Variants in ZNF581 observed in about 807,000 individuals in gnomAD.
ZNF581 encodes zinc finger protein 581.
A neutral mutation model predicts 1.2 loss-of-function variants in ZNF581; 1 was observed. The ratio of observed to expected loss-of-function variants is 0.83; its 90% confidence interval spans 0.30 to 3.95. The LOEUF (loss-of-function observed/expected upper bound fraction) is 3.95. Ranked by LOEUF, ZNF581 falls within the 30% of genes most tolerant of loss-of-function variation. The pLI is 0.18. For missense variants in ZNF581, 273 were observed against 274.6 expected, an observed-to-expected ratio of 0.99 and a Z score of 0.04; for synonymous variants, 105 against 109.2, an observed-to-expected ratio of 0.96 and a Z score of 0.24.
rs1049337156 is a variant in ZNF581, at chr19:55,645,374, C to T, written c.*209C>T. On this transcript the variant is annotated 3_prime_UTR_variant, in exon 2 of 2. Coordinates refer to ENST00000270451, the MANE Select transcript of ZNF581 (RefSeq NM_016535.4). Reference sequence around the variant, plus strand: ...GTTCTGGAGCTGAGATGGGAATGAGCCCCTACACAGAATGGAGTCCTCTAG... The same window carrying T: ...GTTCTGGAGCTGAGATGGGAATGAGTCCCTACACAGAATGGAGTCCTCTAG... 2 of 484,698 alleles carry T rather than the reference C, an allele frequency of 4.1e-6. No homozygotes were observed. Among genetic ancestry groups the T allele is most frequent in the African/African-American group, 1.9e-5 (1 of 51,376 alleles). The allele number at this position is 484,698 out of a possible 1,614,324, so 30.0% of individuals were successfully genotyped here.
upstream of ZNF581, chr19:55,640,929 C>T: frequency 2.0e-6 from 2 of 985,348 alleles, no homozygotes; most frequent in Non-Finnish European, 2.4e-6. Context: ...GGGCGCTCCG[C>T]AGAGGCGAGG....
At position 55,644,676 on chromosome 19, in the gene ZNF581, T is replaced by G. The variant is rs1568538787; in HGVS notation, c.105T>G (p.Pro35=). Residue 35 remains proline (P), a synonymous_variant, in exon 2 of 2, where the codon CCT becomes CCG. Coordinates refer to ENST00000270451, the MANE Select transcript of ZNF581 (RefSeq NM_016535.4). This position sits in a 1 kb window ranked among gnomAD's most constrained non-coding sequence, Gnocchi z 4.3. ...RRTCRSPEPG[P]SSSIGSPQAS... is the part of the protein sequence containing the mutation. Reference sequence around the variant, plus strand: ...CTTGCCGCTCCCCAGAACCTGGACCTTCCTCCTCCATCGGATCTCCCCAGG... The same window carrying G: ...CTTGCCGCTCCCCAGAACCTGGACCGTCCTCCTCCATCGGATCTCCCCAGG... 6.2e-7 allele frequency: 1 copy of G among 1,613,144 alleles called. No individual in the cohort carries two copies. The highest frequency in any genetic ancestry group is 8.5e-7 in the Non-Finnish European group (1 of 1,179,564).
At chr19:55,641,230 C>T (rs1600043652), upstream of ZNF581, 3 of 975,156 alleles carry the variant, frequency 3.1e-6, no homozygotes, top group East Asian at 1.2e-4. Context: ...GGGACGACGC[C>T]GGGGCCAGGC....
upstream of ZNF581, chr19:55,642,269 T>C: frequency 8.1e-7 from 1 of 1,234,946 alleles, no homozygotes. Context: ...CCAGGAGGAG[T>C]GGCAGGTGGT....
Position 55,645,054 on chromosome 19 carries a change from C to G in ZNF581, c.483C>G (p.Ala161=), listed in dbSNP as rs145812033. The change falls in exon 2 of 2, where the codon GCC becomes GCG. Residue 161 remains alanine (A), a synonymous_variant. Transcript: ENST00000270451. ...GCTTCCGGGATGCGGGTGAGCTGGC[C>G]CAGCACAGCCGGGTGCACTCTGGGG... The part of the protein sequence containing the change: ...PRRFRDAGEL[A]QHSRVHSGER... 6.6e-4 allele frequency: 1,041 copies of G among 1,577,332 alleles called. 3 individuals carry two copies. Among genetic ancestry groups the G allele is most frequent in the Non-Finnish European group, 8.6e-4 (993 of 1,155,724 alleles).
upstream of ZNF581, among the ~76,000 whole-genome samples, chr19:55,638,114 GT>G (rs1982203371): frequency 6.6e-6 from 1 of 152,186 alleles, no homozygotes; most frequent in South Asian, 2.1e-4. Context: ...AGGACGTGTG[GT>G]CCTGGCAGCT....
At position 55,644,445 on chromosome 19, in the gene ZNF581, C is replaced by T. The variant is rs1236419234; in HGVS notation, c.-19-108C>T. The T allele has an allele frequency of 4.4e-6, 3 of 684,670 alleles. No individual in the cohort carries two copies. Among genetic ancestry groups the T allele is most frequent in the Middle Eastern group, 2.9e-4 (1 of 3,504 alleles). 42.4% of individuals were successfully genotyped at this position (684,670 alleles called of 1,614,324 possible). On this transcript the variant is annotated intron_variant, in intron 1 of 1. Coordinates refer to ENST00000270451, the MANE Select transcript of ZNF581 (RefSeq NM_016535.4). The surrounding 1 kb of genome is among the most constrained non-coding windows in gnomAD (Gnocchi z 4.3). ...CTGGAAAAGAGGGACTGAGGGGCAG[C>T]AGGATGCAGAGGTCCTGGGCCGGGT...
upstream of ZNF581, among the ~76,000 whole-genome samples, chr19:55,636,402 T>C (rs771086731): frequency 2.6e-5 from 4 of 151,972 alleles, no homozygotes; most frequent in Non-Finnish European, 5.9e-5. Flanking sequence ...GTGGCAAGAA[T>C]TTTGTCTAGA....
chr19:55,644,004 G>A lies in ZNF581; in HGVS notation c.-20+230G>A, dbSNP rs971141575. On this transcript the variant is annotated intron_variant, in intron 1 of 1. Coordinates refer to ENST00000270451, the MANE Select transcript of ZNF581 (RefSeq NM_016535.4). The surrounding 1 kb of genome is among the most constrained non-coding windows in gnomAD (Gnocchi z 4.3). ...CTAGAACGAGCCTGGTGGAGGCCGG[G>A]CGAGGACTAGAGAGAACCTGAGGTG... Among the ~76,000 whole-genome samples the A allele has an allele frequency of 2.0e-4, 30 of 152,236 alleles. No individual in the cohort carries two copies. The highest frequency in any genetic ancestry group is 7.0e-4 in the African/African-American group (29 of 41,470).
At chr19:55,640,947 G>A (rs118118711), upstream of ZNF581, 95,638 of 985,336 alleles carry the variant, frequency 0.097, 5,070 homozygotes, top group Middle Eastern at 0.12. Flanking sequence ...AGGGGTGGGA[G>A]CGCCGGCTCC....
chr19:55,644,358 T>C lies in ZNF581; in HGVS notation c.-19-195T>C, dbSNP rs1982723502. Among the ~76,000 whole-genome samples, 1 of 151,706 alleles carries C rather than the reference T, an allele frequency of 6.6e-6. No individual in the cohort carries two copies. The highest frequency in any genetic ancestry group is 2.4e-5 in the African/African-American group (1 of 41,260). The stretch of plus-strand genomic sequence containing the variant: ...GTGGAGCACCGAGGCTAGGAGAGGT[T>C]TTCCAAGGAGGAAGACCCTGGGGAC... On this transcript the variant is annotated intron_variant, in intron 1 of 1. Coordinates refer to ENST00000270451, the MANE Select transcript of ZNF581 (RefSeq NM_016535.4). The surrounding 1 kb of genome is among the most constrained non-coding windows in gnomAD (Gnocchi z 4.3).
upstream of ZNF581, among the ~76,000 whole-genome samples, chr19:55,637,141 G>C (rs1982140938): frequency 6.6e-6 from 1 of 151,986 alleles, no homozygotes; most frequent in Admixed American, 6.6e-5. Flanking sequence ...TTTTTTTGGA[G>C]AGACAGGGTC....
In ZNF581 at chr19:55,645,054, CCAGCA is replaced by C. The variant is rs1568539193; in HGVS notation, c.488_492del (p.His163ProfsTer90). 12 of 1,577,332 alleles carry C rather than the reference CCAGCA, an allele frequency of 7.6e-6. No individual in the cohort carries two copies. The highest frequency in any genetic ancestry group is 9.5e-6 in the Non-Finnish European group (11 of 1,155,724). On this transcript the variant is annotated frameshift_variant, in exon 2 of 2. Coordinates refer to ENST00000270451, the MANE Select transcript of ZNF581 (RefSeq NM_016535.4). LOFTEE classifies it high-confidence loss of function. Reference sequence around the variant, plus strand: ...GCTTCCGGGATGCGGGTGAGCTGGCCCAGCACAGCCGGGTGCACTCTGGGGAACGC... The same window carrying C: ...GCTTCCGGGATGCGGGTGAGCTGGCCCAGCCGGGTGCACTCTGGGGAACGC...
chr19:55,644,554 C>T lies in ZNF581; in HGVS notation c.-18C>T, dbSNP rs540904633. ...CTTATCCCATCTCCCATCCACCAGG[C>T]CTCAGCCAGCCCTCCGGATGCTGGT... is the stretch of plus-strand genomic sequence containing the variant. On this transcript the variant is annotated splice_region_variant and 5_prime_UTR_variant, in exon 2 of 2. Transcript: ENST00000270451. The surrounding 1 kb of genome is among the most constrained non-coding windows in gnomAD (Gnocchi z 4.3). The T allele has an allele frequency of 4.2e-5, 65 of 1,558,836 alleles. No homozygotes were observed. The highest frequency in any genetic ancestry group is 5.3e-5 in the Non-Finnish European group (61 of 1,152,036).
chr19:55,643,057 C>G, upstream of ZNF581: 1 of 1,341,862 alleles, frequency 7.5e-7, no homozygotes, highest in Non-Finnish European at 9.6e-7. Context: ...CTGCCCTGCC[C>G]GTCTCAGGGC....
chr19:55,644,698 C>A lies in ZNF581; in HGVS notation c.127C>A (p.Gln43Lys), dbSNP rs745552210. The A allele has an allele frequency of 6.8e-6, 11 of 1,613,608 alleles. No homozygotes were observed. The highest frequency in any genetic ancestry group is 5.0e-5 in the Admixed American group (3 of 59,946). ...ACCTTCCTCCTCCATCGGATCTCCC[C>A]AGGCTTCATCTCCTCCAAGGCCCAA... ...PGPSSSIGSP[Q>K]ASSPPRPNHY... is the part of the protein sequence containing the mutation. Residue 43 changes from glutamine to lysine, a missense_variant, in exon 2 of 2, where the codon CAG becomes AAG. Gln to Lys is a moderately conservative substitution (Grantham distance 53, BLOSUM62 1). Transcript: ENST00000270451. This position sits in a 1 kb window ranked among gnomAD's most constrained non-coding sequence, Gnocchi z 4.3.
rs1286791136 is a variant in ZNF581, at chr19:55,644,030, G to A, written c.-20+256G>A. 1.3e-5 allele frequency among the ~76,000 whole-genome samples: 2 copies of A among 152,238 alleles called. No individual in the cohort carries two copies. Among genetic ancestry groups the A allele is most frequent in the African/African-American group, 2.4e-5 (1 of 41,462 alleles). On this transcript the variant is annotated intron_variant, in intron 1 of 1. Transcript: ENST00000270451. The surrounding 1 kb of genome is among the most constrained non-coding windows in gnomAD (Gnocchi z 4.3). ...CGAGGACTAGAGAGAACCTGAGGTG[G>A]GTGGACGGGTGGGAGCACGGAGTTG... is the stretch of plus-strand genomic sequence containing the variant.
At chr19:55,638,451 A>G (rs1982226101), upstream of ZNF581, among the ~76,000 whole-genome samples, 1 of 152,046 alleles carries the variant, frequency 6.6e-6, no homozygotes, top group African/African-American at 2.4e-5. Context: ...GTTGGCCAGG[A>G]TGGTCTTGAT....
At chr19:55,643,170 G>A (rs888857525), upstream of ZNF581, 1 of 1,238,760 alleles carries the variant, frequency 8.1e-7, no homozygotes, top group Non-Finnish European at 1.0e-6. Context: ...ACCTTCCAAA[G>A]GGAGGAGCAT....
Sources: allele counts gnomAD v4.1 joint callset (sites outside exome capture counted in the v4.1 genomes callset), GRCh38; gene constraint gnomAD v4.1.1; non-coding constraint Gnocchi (gnomAD v3.1); transcripts MANE v1.5; gene names NCBI Gene and HGNC (gene_info 2026-07-23, HGNC 2026-07-21).